EFHC2: variants seen among roughly 807,000 people sequenced by gnomAD.
EFHC2 encodes the protein EF-hand domain containing 2, also known as EF-hand domain-containing family member C2.
In EFHC2, 18 loss-of-function variants were observed where a neutral mutation model predicts 52.7. The observed-to-expected ratio is 0.34, with a 90% CI of 0.24 to 0.51. The LOEUF (loss-of-function observed/expected upper bound fraction) is 0.51, where lower values mean the gene tolerates loss of function less well. Ranked by LOEUF, EFHC2 falls within the 20% of genes least tolerant of loss-of-function variation. EFHC2 has a pLI of 0.97. For synonymous variants in EFHC2, 203 were observed against 204.1 expected (o/e 0.99, Z 0.04); for missense variants, 513 against 562.5 (o/e 0.91, Z 0.89).
intron 11 of EFHC2, among the ~76,000 whole-genome samples, chrX:44,198,235 T>A (rs1380118946): frequency 8.9e-6 from 1 of 111,981 alleles, no homozygotes; most frequent in Non-Finnish European, 1.9e-5. Flanking sequence ...AAACACTCTA[T>A]CTGTTTTGGC....
At chrX:44,168,824 C>G (rs1244690340) in intron 13 of EFHC2, among the ~76,000 whole-genome samples, 2 of 110,889 alleles carry the variant, frequency 1.8e-5, no homozygotes, top group Non-Finnish European at 3.8e-5. Context: ...TCTCCACACT[C>G]TGAATGGTTC....
chrX:44,224,173 A>AC (rs1407446980), intron 11 of EFHC2, among the ~76,000 whole-genome samples: 1 of 111,803 alleles, frequency 8.9e-6, no homozygotes, highest in Non-Finnish European at 1.9e-5. Context: ...GTTTTGAATG[A>AC]CCCCCACCAT....
chrX:44,163,894 TG>T, intron 14 of EFHC2, 27 bp downstream of exon 14: 1 of 985,025 alleles, frequency 1.0e-6, no homozygotes, highest in Non-Finnish European at 1.4e-6. Flanking sequence ...TAACCATAGA[TG>T]GTTTTTAAAA....
chrX:44,306,777 C>T (rs1333170973), intron 2 of EFHC2, among the ~76,000 whole-genome samples: 1 of 111,854 alleles, frequency 8.9e-6, no homozygotes, highest in Non-Finnish European at 1.9e-5. Context: ...TCCATAGAGG[C>T]AGAGCCTGAA....
chrX:44,209,648 G>C (rs2147302096), intron 11 of EFHC2, among the ~76,000 whole-genome samples: 1 of 108,930 alleles, frequency 9.2e-6, no homozygotes, highest in African/African-American at 3.3e-5. Context: ...AAACTATAAA[G>C]TAGGGGTCCC....
At chrX:44,289,239 T>C (rs912853289) in intron 2 of EFHC2, among the ~76,000 whole-genome samples, 2 of 111,976 alleles carry the variant, frequency 1.8e-5, no homozygotes, top group Non-Finnish European at 3.8e-5. Flanking sequence ...TTTCTACTAC[T>C]CACCACTAAT....
chrX:44,293,903 C>T (rs1182727407), intron 2 of EFHC2, among the ~76,000 whole-genome samples: 1 of 112,123 alleles, frequency 8.9e-6, no homozygotes, highest in African/African-American at 3.2e-5. Context: ...AATATCTTTA[C>T]ACCACAGAGC....
At chrX:44,168,175 C>T (rs961480382) in intron 13 of EFHC2, among the ~76,000 whole-genome samples, 5 of 111,474 alleles carry the variant, frequency 4.5e-5, no homozygotes, top group Non-Finnish European at 9.4e-5. Context: ...TGACTGCAGA[C>T]TCCAGGTGCC....
intron 2 of EFHC2, among the ~76,000 whole-genome samples, chrX:44,306,610 C>T (rs1175597514): frequency 8.9e-6 from 1 of 111,887 alleles, no homozygotes; most frequent in East Asian, 2.8e-4. Flanking sequence ...AAGTGTCTGC[C>T]GCAGGGGCCA....
chrX:44,307,092 A>G (rs1231415103), intron 2 of EFHC2, among the ~76,000 whole-genome samples: 1 of 111,229 alleles, frequency 9.0e-6, no homozygotes, highest in African/African-American at 3.3e-5. Context: ...TGCAACTCCC[A>G]TCAGCCAAGA....
At chrX:44,240,087 A>G (rs1484228139) in intron 8 of EFHC2, among the ~76,000 whole-genome samples, 1 of 112,163 alleles carries the variant, frequency 8.9e-6, no homozygotes, top group Non-Finnish European at 1.9e-5. Flanking sequence ...TCCATGTCTC[A>G]ATTCACAGTT....
chrX:44,219,145 T>TAAAAAAA lies in EFHC2; in HGVS notation c.1751+10497_1751+10503dup, dbSNP rs10669527. Among the ~76,000 whole-genome samples the TAAAAAAA allele has an allele frequency of 1.2e-3, 99 of 79,359 alleles. 1 individual carries two copies. Among genetic ancestry groups the TAAAAAAA allele is most frequent in the African/African-American group, 4.5e-3 (92 of 20,313 alleles). 68.9% of individuals were successfully genotyped at this position (79,359 alleles called of 115,157 possible). A position where few individuals can be genotyped will look rare whatever the true frequency, so the allele number is the denominator to read the frequency against. ...AGAACAGAGAAAAACCACCTATAGTTAAAAAAAAAAAAAAAGCACCTAAAG... is the reference window on the plus strand; with the variant it reads ...AGAACAGAGAAAAACCACCTATAGTTAAAAAAAAAAAAAAAAAAAAAAGCACCTAAAG... On this transcript the variant is annotated intron_variant, in intron 11 of 14. Coordinates refer to ENST00000420999, the MANE Select transcript of EFHC2 (RefSeq NM_025184.4).
At chrX:44,188,134 C>T (rs2147286658) in intron 11 of EFHC2, among the ~76,000 whole-genome samples, 1 of 95,680 alleles carries the variant, frequency 1.0e-5, no homozygotes, top group East Asian at 3.3e-4. Context: ...GTATGTGCCA[C>T]CACGCCCAGC....
chrX:44,299,301 G>T (rs1356393051), intron 2 of EFHC2, among the ~76,000 whole-genome samples: 1 of 111,174 alleles, frequency 9.0e-6, no homozygotes, highest in Admixed American at 9.6e-5. Context: ...CTCCCTTTTG[G>T]AATTCAGGAA....
In EFHC2 at chrX:44,304,001, G is replaced by A. The variant is rs768429772; in HGVS notation, c.231+8567C>T. On this transcript the variant is annotated intron_variant, in intron 2 of 14. Transcript: ENST00000420999. ...ACAAATGAAAAATGAGAGCAAAATTGTAGAGTCTATGTAAATGGGGCTTAA... is the reference window on the plus strand; with the variant it reads ...ACAAATGAAAAATGAGAGCAAAATTATAGAGTCTATGTAAATGGGGCTTAA... Among the ~76,000 whole-genome samples, 100 of 112,585 alleles carry A rather than the reference G, an allele frequency of 8.9e-4. 1 individual carries two copies. The highest frequency in any genetic ancestry group is 3.0e-3 in the African/African-American group (94 of 31,043).
At chrX:44,203,806 G>T (rs897537901) in intron 11 of EFHC2, among the ~76,000 whole-genome samples, 1 of 110,739 alleles carries the variant, frequency 9.0e-6, no homozygotes, top group South Asian at 3.9e-4. Flanking sequence ...AACCAGGCTG[G>T]CTTTGAACTC....
chrX:44,238,151 T>C (rs893174268), intron 8 of EFHC2, among the ~76,000 whole-genome samples: 12 of 111,467 alleles, frequency 1.1e-4, no homozygotes, highest in African/African-American at 3.9e-4. Flanking sequence ...CTCATCTCAG[T>C]AGATGGCAAC....
At chrX:44,293,577 C>T (rs1325445665) in intron 2 of EFHC2, among the ~76,000 whole-genome samples, 3 of 111,805 alleles carry the variant, frequency 2.7e-5, no homozygotes, top group Non-Finnish European at 5.6e-5. Context: ...TTAAATGGCA[C>T]GTGTTCACTG....
At chrX:44,221,897 A>C (rs910072538) in intron 11 of EFHC2, among the ~76,000 whole-genome samples, 1 of 111,706 alleles carries the variant, frequency 9.0e-6, no homozygotes, top group Non-Finnish European at 1.9e-5. Context: ...CTTCTTAACT[A>C]GTTATTGCTG....
Sources: gnomAD v4.1 joint callset for allele counts (sites outside exome capture counted in the v4.1 genomes callset) on GRCh38, gnomAD v4.1.1 for gene constraint, MANE v1.5 for transcripts, NCBI Gene and HGNC (gene_info 2026-07-23, HGNC 2026-07-21) for gene names.